CCDC169: variants seen among roughly 807,000 people sequenced by gnomAD.
CCDC169 encodes coiled-coil domain-containing protein 169.
A neutral mutation model predicts 36.0 loss-of-function variants in CCDC169; 30 were observed. That is an observed-to-expected ratio of 0.83 (90% CI 0.62 to 1.13). CCDC169 has a LOEUF of 1.13. Among genes scored for constraint, CCDC169 ranks in the 50% most tolerant of loss-of-function variants. CCDC169 has a pLI of 0.00. For missense variants in CCDC169, 245 were observed against 245.9 expected (o/e 1.00, Z 0.03); for synonymous variants, 85 against 81.5 (o/e 1.04, Z -0.23).
At chr13:36,238,264 T>C (rs887312441) in intron 7 of CCDC169, among the ~76,000 whole-genome samples, 3 of 152,136 alleles carry the variant, frequency 2.0e-5, no homozygotes, top group Non-Finnish European at 4.4e-5. Context: ...CACTTTATTA[T>C]TTTTATTTTA....
At chr13:36,254,277 T>TTTC (rs1873556143) in intron 4 of CCDC169, 134 bp from the exon 5 acceptor site, 1 of 361,758 alleles carries the variant, frequency 2.8e-6, no homozygotes, top group Non-Finnish European at 4.5e-6. Context: ...GATATGTACT[T>TTTC]TTTTTTTTTT....
At chr13:36,282,025 T>A (rs1877602934) in intron 4 of CCDC169, among the ~76,000 whole-genome samples, 1 of 152,220 alleles carries the variant, frequency 6.6e-6, no homozygotes, top group African/African-American at 2.4e-5. Context: ...ACACATATAC[T>A]AGTCAACAAC....
intron 4 of CCDC169, among the ~76,000 whole-genome samples, chr13:36,279,308 A>G (rs1281944348): frequency 2.0e-5 from 3 of 152,052 alleles, no homozygotes; most frequent in African/African-American, 7.2e-5. Context: ...TGAATACCAA[A>G]CCCTTTATTA....
At chr13:36,253,960 GTGT>G in intron 5 of CCDC169, 82 bp downstream of exon 5, 4 of 1,530,822 alleles carry the variant, frequency 2.6e-6, no homozygotes, top group Non-Finnish European at 3.5e-6. Context: ...AAATAGTTTT[GTGT>G]TAATTATAGA....
At chr13:36,266,027 C>T (rs567817766) in intron 4 of CCDC169, among the ~76,000 whole-genome samples, 5 of 152,292 alleles carry the variant, frequency 3.3e-5, no homozygotes, top group Admixed American at 3.3e-4. Context: ...ACTGTGGATA[C>T]TGTCATAATA....
chr13:36,265,613 A>G (rs1194820877), intron 4 of CCDC169, among the ~76,000 whole-genome samples: 1 of 152,214 alleles, frequency 6.6e-6, no homozygotes, highest in Non-Finnish European at 1.5e-5. Context: ...TTAGGTCTTT[A>G]ATTATGGCAC....
chr13:36,254,699 A>G (rs930731034), intron 4 of CCDC169, among the ~76,000 whole-genome samples: 3 of 152,150 alleles, frequency 2.0e-5, no homozygotes, highest in African/African-American at 7.2e-5. Flanking sequence ...GAAAAACGGT[A>G]TCGTACAAAC....
chr13:36,281,517 G>A (rs1877535620), intron 4 of CCDC169, among the ~76,000 whole-genome samples: 1 of 152,084 alleles, frequency 6.6e-6, no homozygotes, highest in Admixed American at 6.5e-5. Context: ...TCTCACTTAT[G>A]TGAATAATTT....
intron 7 of CCDC169, among the ~76,000 whole-genome samples, chr13:36,245,744 C>A (rs1005045766): frequency 2.6e-5 from 4 of 152,168 alleles, no homozygotes; most frequent in Admixed American, 1.3e-4. Context: ...ATTATTCAGG[C>A]ATACCTTGTC....
intron 2 of CCDC169, among the ~76,000 whole-genome samples, chr13:36,289,724 T>C (rs9547082): frequency 6.6e-6 from 1 of 152,054 alleles, no homozygotes; most frequent in Non-Finnish European, 1.5e-5. Context: ...AACTGAGACC[T>C]AAAAGGCTGA....
At chr13:36,274,552 G>A (rs1321141994) in intron 4 of CCDC169, 5 of 152,104 alleles carry the variant, frequency 3.3e-5, no homozygotes, top group Non-Finnish European at 7.3e-5. Context: ...CAACGCCACA[G>A]TTAAACTGAA....
chr13:36,296,765 T>C (rs9531753), intron 1 of CCDC169, among the ~76,000 whole-genome samples: 38,525 of 152,174 alleles, frequency 0.25, 5,155 homozygotes, highest in East Asian at 0.49. Flanking sequence ...AAGTTCTTTA[T>C]AGTGCATTTC....
At position 36,255,412 on chromosome 13, in the gene CCDC169, C is replaced by G. The variant is rs1345006562; in HGVS notation, c.316-1269G>C. On this transcript the variant is annotated intron_variant, in intron 4 of 7. Coordinates refer to ENST00000239859, the MANE Select transcript of CCDC169 (RefSeq NM_001144981.3). ...GGTGTGGTGGCTCACACCTGTAATC[C>G]CAGCACTTTGAGAGGCCGAGGCGGG... 3.3e-5 allele frequency among the ~76,000 whole-genome samples: 5 copies of G among 152,158 alleles called. No individual in the cohort carries two copies. In the South Asian group the frequency reaches 1.0e-3, roughly 32 times the overall value.
intron 4 of CCDC169, among the ~76,000 whole-genome samples, chr13:36,274,088 T>C (rs1442460457): frequency 2.6e-5 from 4 of 152,184 alleles, no homozygotes; most frequent in African/African-American, 7.2e-5. Flanking sequence ...AGTTGTGTTT[T>C]AGGCATACTA....
intron 4 of CCDC169, chr13:36,281,308 G>A: frequency 2.3e-6 from 1 of 441,396 alleles, no homozygotes; most frequent in Non-Finnish European, 4.5e-6. Flanking sequence ...AACTTTACTT[G>A]TTTAAACCTT....
intron 7 of CCDC169, among the ~76,000 whole-genome samples, chr13:36,239,409 CTGAG>C (rs1871486542): frequency 6.6e-6 from 1 of 152,058 alleles, no homozygotes; most frequent in African/African-American, 2.4e-5. Context: ...TTCTATGCTC[CTGAG>C]TATTATGATT....
chr13:36,225,308 G>A (rs1164997647), downstream of CCDC169: 2 of 152,058 alleles, frequency 1.3e-5, no homozygotes, highest in African/African-American at 2.4e-5. Context: ...AGGCTCAAGT[G>A]ATCCTCCCAC....
In CCDC169 at chr13:36,297,635, A is replaced by G; in HGVS notation, c.83+2T>C. Reference sequence around the variant, plus strand: ...CCCACACCGCGCCGCCCGCCGACTCACTTCTTGCGGACTTCTTCCAGCAAC... The same window carrying G: ...CCCACACCGCGCCGCCCGCCGACTCGCTTCTTGCGGACTTCTTCCAGCAAC... On this transcript the variant is annotated splice_donor_variant, in intron 1 of 7. Coordinates refer to ENST00000239859, the MANE Select transcript of CCDC169 (RefSeq NM_001144981.3). LOFTEE classifies it high-confidence loss of function. 6.5e-7 allele frequency: 1 copy of G among 1,550,342 alleles called. No individual in the cohort carries two copies.
intron 4 of CCDC169, among the ~76,000 whole-genome samples, chr13:36,267,015 A>C (rs1450306778): frequency 6.6e-6 from 1 of 152,186 alleles, no homozygotes; most frequent in African/African-American, 2.4e-5. Flanking sequence ...ATGTAAAAGG[A>C]AATAGAGAGG....
Sources: allele counts gnomAD v4.1 joint callset (sites outside exome capture counted in the v4.1 genomes callset), GRCh38; gene constraint gnomAD v4.1.1; transcripts MANE v1.5; gene names NCBI Gene and HGNC (gene_info 2026-07-23, HGNC 2026-07-21).